The following OSBPL10 variants were observed in gnomAD, a reference collection of about 807,000 sequenced individuals.
The protein encoded by OSBPL10 is oxysterol binding protein like 10.
In OSBPL10, 49 loss-of-function variants were observed where a neutral mutation model predicts 81.7. The observed-to-expected ratio is 0.60, with a 90% CI of 0.48 to 0.76. OSBPL10 has a LOEUF of 0.76. Among genes scored for constraint, OSBPL10 ranks in the 30% least tolerant of loss-of-function variants. OSBPL10 has a pLI of 0.00. For synonymous variants in OSBPL10, 419 were observed against 383.6 expected, an observed-to-expected ratio of 1.09 and a Z score of -1.08; for missense variants, 923 against 987.8, an observed-to-expected ratio of 0.93 and a Z score of 0.88.
chr3:31,946,973 C>T (rs995454759), intron 1 of OSBPL10, among the ~76,000 whole-genome samples: 3 of 152,032 alleles, frequency 2.0e-5, no homozygotes, highest in East Asian at 1.9e-4. Flanking sequence ...GAGGCAGCTA[C>T]GGCTCAGTGG....
At chr3:31,919,486 G>A (rs1696852628) in intron 1 of OSBPL10, 1 of 152,150 alleles carries the variant, frequency 6.6e-6, no homozygotes, top group African/African-American at 2.4e-5. Flanking sequence ...GAGAGGAAGT[G>A]TTTTCTCCCT....
chr3:31,760,470 T>A (rs1430910277), intron 4 of OSBPL10, among the ~76,000 whole-genome samples: 1 of 152,226 alleles, frequency 6.6e-6, no homozygotes, highest in Non-Finnish European at 1.5e-5. Flanking sequence ...ATGCTTTAGA[T>A]CATCTCTAAA....
chr3:31,953,210 GGCGTGA>G (rs1439017002), intron 1 of OSBPL10, among the ~76,000 whole-genome samples: 3 of 152,134 alleles, frequency 2.0e-5, no homozygotes, highest in African/African-American at 7.2e-5. Flanking sequence ...TGAGATTACA[GGCGTGA>G]GCCAGCGCGC....
intron 5 of OSBPL10, among the ~76,000 whole-genome samples, chr3:31,745,357 G>A (rs1361758267): frequency 6.6e-6 from 1 of 152,186 alleles, no homozygotes; most frequent in African/African-American, 2.4e-5. Context: ...CTCTTAAGTG[G>A]TTAGAAAATT....
At chr3:31,781,312 C>T (rs1698690054) in intron 4 of OSBPL10, among the ~76,000 whole-genome samples, 1 of 152,126 alleles carries the variant, frequency 6.6e-6, no homozygotes, top group African/African-American at 2.4e-5. Context: ...AGGGACATCT[C>T]AAGGTAATAA....
chr3:31,825,657 T>C (rs1166976729), intron 4 of OSBPL10, among the ~76,000 whole-genome samples: 1 of 152,214 alleles, frequency 6.6e-6, no homozygotes, highest in Non-Finnish European at 1.5e-5. Flanking sequence ...GACTCTTTAT[T>C]CTGAGATTAT....
chr3:31,989,543 T>C, intron 2 of OSBPL10: 1 of 1,614,200 alleles, frequency 6.2e-7, no homozygotes, highest in Non-Finnish European at 8.5e-7. Flanking sequence ...AAAGATCAGC[T>C]TGGATTAAGC....
intron 1 of OSBPL10, among the ~76,000 whole-genome samples, chr3:31,880,931 A>G (rs1248098113): frequency 6.6e-6 from 1 of 152,236 alleles, no homozygotes; most frequent in African/African-American, 2.4e-5. Context: ...GCTACATACT[A>G]GTCATGAACC....
At chr3:31,807,572 C>CAAA (rs35786919) in intron 4 of OSBPL10, among the ~76,000 whole-genome samples, 4 of 108,452 alleles carry the variant, frequency 3.7e-5, no homozygotes, top group African/African-American at 1.0e-4. Context: ...CACATCTCTA[C>CAAA]AAAAAAAAAA....
chr3:31,771,281 T>C (rs764637637), intron 4 of OSBPL10, among the ~76,000 whole-genome samples: 2 of 152,164 alleles, frequency 1.3e-5, no homozygotes, highest in Non-Finnish European at 2.9e-5. Flanking sequence ...ATTTCTATGC[T>C]ATTGTGGCAG....
chr3:31,773,342 T>C (rs1313051281), intron 4 of OSBPL10, among the ~76,000 whole-genome samples: 3 of 152,176 alleles, frequency 2.0e-5, no homozygotes, highest in Non-Finnish European at 2.9e-5. Flanking sequence ...TCGTCAGCAC[T>C]ACGCCTGGGG....
At chr3:31,808,303 G>A (rs1699572305) in intron 4 of OSBPL10, among the ~76,000 whole-genome samples, 1 of 152,226 alleles carries the variant, frequency 6.6e-6, no homozygotes, top group Non-Finnish European at 1.5e-5. Flanking sequence ...GGCAAGGCAA[G>A]GAGAGGTGAT....
intron 2 of OSBPL10, among the ~76,000 whole-genome samples, chr3:32,040,508 G>A (rs1490467100): frequency 3.3e-5 from 5 of 151,612 alleles, no homozygotes. Context: ...CCCAGGAGGT[G>A]GGTTCTTTGC....
chr3:31,843,809 C>G (rs1324544763), intron 3 of OSBPL10, among the ~76,000 whole-genome samples: 1 of 152,266 alleles, frequency 6.6e-6, no homozygotes, highest in South Asian at 2.1e-4. Context: ...AATAAGTTCA[C>G]GATTGGGTAT....
chr3:31,710,480 G>A (rs1407201690), intron 6 of OSBPL10: 1 of 152,278 alleles, frequency 6.6e-6, no homozygotes, highest in East Asian at 1.9e-4. Context: ...CTTCCCCACT[G>A]AGGGCTTTGG....
intron 1 of OSBPL10, among the ~76,000 whole-genome samples, chr3:31,969,969 G>C (rs1698509766): frequency 6.6e-6 from 1 of 152,032 alleles, no homozygotes; most frequent in Non-Finnish European, 1.5e-5. Context: ...ATCTTGCAGT[G>C]GAATTAGCTG....
At position 31,757,253 on chromosome 3, in the gene OSBPL10, A is replaced by G. The variant is rs1157775747; in HGVS notation, c.730-9133T>C. ...TTCTCTATAAAGGGAATCAAGATAA[A>G]TAAGATCTTGAGGGTGGTCCCTAAT... On this transcript the variant is annotated intron_variant, in intron 4 of 11. Transcript: ENST00000396556. Among the ~76,000 whole-genome samples, 5 of 152,322 alleles carry G rather than the reference A, an allele frequency of 3.3e-5. No homozygotes were observed. In the East Asian group the frequency reaches 7.7e-4, roughly 23 times the overall value.
At chr3:31,886,443 G>C (rs1316527051) in intron 1 of OSBPL10, among the ~76,000 whole-genome samples, 1 of 152,192 alleles carries the variant, frequency 6.6e-6, no homozygotes, top group East Asian at 1.9e-4. Flanking sequence ...CGTGAAAGAG[G>C]AATGAGCACC....
intron 1 of OSBPL10, among the ~76,000 whole-genome samples, chr3:31,904,173 T>G (rs1048309569): frequency 6.6e-6 from 1 of 152,164 alleles, no homozygotes; most frequent in Admixed American, 6.5e-5. Context: ...TTGCCCACTT[T>G]AATCCACCTC....
Sources: allele counts gnomAD v4.1 joint callset (sites outside exome capture counted in the v4.1 genomes callset), GRCh38; gene constraint gnomAD v4.1.1; transcripts MANE v1.5; gene names NCBI Gene and HGNC (gene_info 2026-07-23, HGNC 2026-07-21).